The following SMPD4 variants were observed in gnomAD, a reference collection of about 807,000 sequenced individuals.
SMPD4 encodes the protein sphingomyelin phosphodiesterase 4.
In SMPD4, 58 loss-of-function variants were observed where a neutral mutation model predicts 97.8. That is an observed-to-expected ratio of 0.59 (90% CI 0.48 to 0.74). The LOEUF is 0.74. SMPD4 is among the 30% of genes least tolerant of loss of function. SMPD4 has a pLI of 0.00. For synonymous variants in SMPD4, 388 were observed against 450.0 expected (o/e 0.86, Z 1.74); for missense variants, 853 against 1,080.5 (o/e 0.79, Z 2.95).
At chr2:130,159,805 C>T (rs1014555718) in intron 11 of SMPD4, among the ~76,000 whole-genome samples, 23 of 152,116 alleles carry the variant, frequency 1.5e-4, no homozygotes, top group African/African-American at 2.2e-4. Flanking sequence ...GATCCTGAGC[C>T]GTAACATCCT....
Position 130,152,413 on chromosome 2 carries a change from G to T in SMPD4, c.*142C>A. 1.1e-6 allele frequency: 1 copy of T among 944,650 alleles called. No homozygotes were observed. The highest frequency in any genetic ancestry group is 1.5e-6 in the Non-Finnish European group (1 of 648,800). The allele number at this position is 944,650 out of a possible 1,614,324, so 58.5% of individuals were successfully genotyped here. On this transcript the variant is annotated 3_prime_UTR_variant, in exon 20 of 20. Transcript: ENST00000680298. Reference sequence around the variant, plus strand: ...TTTCTTGGTTGCGTTTCCTCCAGATGCCTCTGCGGCTGCAGGAACCCCGCT... The same window carrying T: ...TTTCTTGGTTGCGTTTCCTCCAGATTCCTCTGCGGCTGCAGGAACCCCGCT...
chr2:130,155,337 G>A, intron 14 of SMPD4, 78 bp from the exon 15 acceptor site: 1 of 1,566,990 alleles, frequency 6.4e-7, no homozygotes, highest in Non-Finnish European at 8.7e-7. Context: ...TGCCCCTAAT[G>A]CCCTTGCTCA....
At chr2:130,158,670 G>C (rs910400433) in intron 11 of SMPD4, among the ~76,000 whole-genome samples, 17 of 152,194 alleles carry the variant, frequency 1.1e-4, no homozygotes, top group African/African-American at 4.1e-4. Context: ...GCTTCCTCTG[G>C]TTGTTTAGCA....
chr2:130,154,694 G>C (rs1291939091), intron 15 of SMPD4: 1 of 623,696 alleles, frequency 1.6e-6, no homozygotes. Flanking sequence ...GCCCCTAGCA[G>C]TGTCTGCAGG....
At chr2:130,176,900 C>A (rs56247643) in intron 1 of SMPD4, among the ~76,000 whole-genome samples, 3,869 of 152,232 alleles carry the variant, frequency 0.025, 51 homozygotes, top group African/African-American at 0.041. Context: ...GTTTGTCAGG[C>A]TGTGATGCCC....
rs866385800 is a variant in SMPD4, at chr2:130,161,258, G to C, written c.879C>G (p.His293Gln). 6.2e-7 allele frequency: 1 copy of C among 1,614,058 alleles called. No individual in the cohort carries two copies. ...QSPHAKLEVL[H>Q]YRLSVSSALY... ...GGGCGCTGGAGACACTGAGTCGGTA[G>C]TGCAGAACCTCCAGCTGAGATAAGA... is the stretch of plus-strand genomic sequence containing the variant. The change falls in exon 11 of 20, where the codon CAC becomes CAG. Residue 293 changes from histidine (H) to glutamine (Q), a missense_variant. His to Gln is a conservative substitution (Grantham distance 24, BLOSUM62 0). Coordinates refer to ENST00000680298, the MANE Select transcript of SMPD4 (RefSeq NM_017951.5).
In SMPD4 at chr2:130,157,464, C is replaced by A. The variant is rs142393930; in HGVS notation, c.952-68G>T. The A allele has an allele frequency of 2.4e-3, 3,907 of 1,596,334 alleles. 26 individuals carry two copies. The Middle Eastern group carries it at 0.028, about 11-fold the overall frequency. Reference sequence around the variant, plus strand: ...CACCCATAGCACTCCGCCTCCAGGTCTGACCACATCCCGCCCTGAGCCAGT... The same window carrying A: ...CACCCATAGCACTCCGCCTCCAGGTATGACCACATCCCGCCCTGAGCCAGT... On this transcript the variant is annotated intron_variant, in intron 11 of 19. Coordinates refer to ENST00000680298, the MANE Select transcript of SMPD4 (RefSeq NM_017951.5).
At chr2:130,175,274 C>T (rs142994777) in intron 2 of SMPD4, among the ~76,000 whole-genome samples, 58 of 152,294 alleles carry the variant, frequency 3.8e-4, no homozygotes, top group Non-Finnish European at 7.1e-4. Context: ...GATTGACTTC[C>T]ACCAATCCAT....
At chr2:130,180,897 G>T (rs1272318510) in intron 1 of SMPD4, among the ~76,000 whole-genome samples, 1 of 152,170 alleles carries the variant, frequency 6.6e-6, no homozygotes, top group Non-Finnish European at 1.5e-5. Context: ...CCCCGTCACA[G>T]GTCTCTGCGT....
chr2:130,154,214 C>T, intron 16 of SMPD4, 63 bp downstream of exon 16: 1 of 1,498,786 alleles, frequency 6.7e-7, no homozygotes. Flanking sequence ...ACAGCACTTC[C>T]CGGGTTCTGC....
rs201205980 is a variant in SMPD4 at position 130,153,307 on chromosome 2, C to G, written c.2025+12G>C. 3 of 1,613,432 alleles carry G rather than the reference C, an allele frequency of 1.9e-6. No individual in the cohort carries two copies. Among genetic ancestry groups the G allele is most frequent in the South Asian group, 1.1e-5 (1 of 91,086 alleles). On this transcript the variant is annotated intron_variant, in intron 18 of 19. Coordinates refer to ENST00000680298, the MANE Select transcript of SMPD4 (RefSeq NM_017951.5). ...GCCCAGCCTGTGCGCCTCTGAGACA[C>G]GGGCCTCTCACCTGGTACCGCCCCA...
At chr2:130,162,280 C>G (rs187756312) in intron 10 of SMPD4, among the ~76,000 whole-genome samples, 2 of 152,230 alleles carry the variant, frequency 1.3e-5, no homozygotes, top group Non-Finnish European at 2.9e-5. Context: ...CCGAAGCACC[C>G]CTTCAGCCCA....
rs1573652541 is a variant in SMPD4 at position 130,151,585 on chromosome 2, G to A, written c.*970C>T. 6.8e-6 allele frequency: 1 copy of A among 147,884 alleles called. No individual in the cohort carries two copies. Among genetic ancestry groups the A allele is most frequent in the Admixed American group, 6.8e-5 (1 of 14,630 alleles). 9.2% of individuals were successfully genotyped at this position (147,884 alleles called of 1,614,324 possible). ...CACACCGAAAACAAAGGCTTGGTTT[G>A]GAAATCACCACTGAGATGCTGTTCT... On this transcript the variant is annotated 3_prime_UTR_variant, in exon 20 of 20. Coordinates refer to ENST00000680298, the MANE Select transcript of SMPD4 (RefSeq NM_017951.5).
At chr2:130,176,498 C>A (rs1688990617) in intron 2 of SMPD4, 56 bp downstream of exon 2, 2 of 1,426,840 alleles carry the variant, frequency 1.4e-6, no homozygotes, top group Non-Finnish European at 1.9e-6. Context: ...ACACTCAAGT[C>A]CCACATCTAC....
chr2:130,161,992 C>T (rs1414631518), intron 10 of SMPD4, among the ~76,000 whole-genome samples: 1 of 152,236 alleles, frequency 6.6e-6, no homozygotes, highest in African/African-American at 2.4e-5. Flanking sequence ...AAGGGTAGCA[C>T]AGAGACGAGG....
intron 12 of SMPD4, chr2:130,156,919 GT>G: frequency 9.0e-7 from 1 of 1,114,646 alleles, no homozygotes; most frequent in Non-Finnish European, 1.3e-6. Context: ...CTCACCCTCC[GT>G]CCCATACAAA....
Position 130,152,789 on chromosome 2 carries a change from G to A in SMPD4, c.2250C>T (p.His750=), listed in dbSNP as rs777019538. The A allele has an allele frequency of 1.2e-6, 2 of 1,609,916 alleles. No individual in the cohort carries two copies. The highest frequency in any genetic ancestry group is 1.1e-5 in the South Asian group (1 of 90,710). ...HLTEPGLASR[H]LLSPVGRRQV... is the part of the protein sequence containing the mutation. ...GCCTCCGCCCCACAGGGCTCAGCAG[G>A]TGCCTGCTGGCCAGCCCAGGTTCTG... Residue 750 remains histidine (H), a synonymous_variant, in exon 20 of 20, where the codon CAC becomes CAT. Transcript: ENST00000680298.
chr2:130,155,987 C>T, intron 14 of SMPD4, 48 bp downstream of exon 14: 1 of 1,577,558 alleles, frequency 6.3e-7, no homozygotes, highest in Non-Finnish European at 8.7e-7. Flanking sequence ...GGAACAATAT[C>T]CACCTGGGGG....
chr2:130,173,769 A>C, intron 3 of SMPD4, 113 bp from the exon 4 acceptor site: 1 of 1,415,540 alleles, frequency 7.1e-7, no homozygotes, highest in Non-Finnish European at 9.7e-7. Context: ...TCCCTGGCTA[A>C]GACCTATGGG....
Sources: gnomAD v4.1 joint callset for allele counts (sites outside exome capture counted in the v4.1 genomes callset) on GRCh38, gnomAD v4.1.1 for gene constraint, MANE v1.5 for transcripts, NCBI Gene and HGNC (gene_info 2026-07-23, HGNC 2026-07-21) for gene names.